Variants in BMP2K observed in about 807,000 individuals in gnomAD.
The protein encoded by BMP2K is BMP-2-inducible protein kinase.
A neutral mutation model predicts 116.0 loss-of-function variants in BMP2K; 74 were observed. The observed-to-expected ratio is 0.64, with a 90% CI of 0.53 to 0.77. The LOEUF is 0.77. Ranked by LOEUF, BMP2K falls within the 30% of genes least tolerant of loss-of-function variation. BMP2K has a pLI of 0.00. For missense variants in BMP2K, 1,365 were observed against 1,403.6 expected, an observed-to-expected ratio of 0.97 and a Z score of 0.44; for synonymous variants, 486 against 502.5, an observed-to-expected ratio of 0.97 and a Z score of 0.44.
rs141395731 is a variant in BMP2K at position 78,872,235 on chromosome 4, C to T, written c.1608+287C>T. 695 of 286,060 alleles carry T rather than the reference C, an allele frequency of 2.4e-3. 15 individuals are homozygous for T. Among genetic ancestry groups the T allele is most frequent in the East Asian group, 0.014 (215 of 15,860 alleles). 17.7% of individuals were successfully genotyped at this position (286,060 alleles called of 1,614,324 possible). A position where few individuals can be genotyped will look rare whatever the true frequency, so the allele number is the denominator to read the frequency against. ...TTCGTCACATGTCTCTTTCATTCAG[C>T]ACATATCTATTGAGTAAAAAAATGA... On this transcript the variant is annotated intron_variant, in intron 12 of 15. Coordinates refer to ENST00000502613, the MANE Select transcript of BMP2K (RefSeq NM_198892.2).
chr4:78,854,822 A>G (rs539654626), intron 7 of BMP2K, among the ~76,000 whole-genome samples: 1 of 152,214 alleles, frequency 6.6e-6, no homozygotes, highest in African/African-American at 2.4e-5. Context: ...ATAAATTTTC[A>G]TGTACCTCAT....
At chr4:78,840,513 A>G (rs1016578809) in intron 3 of BMP2K, among the ~76,000 whole-genome samples, 1 of 151,974 alleles carries the variant, frequency 6.6e-6, no homozygotes, top group Non-Finnish European at 1.5e-5. Context: ...TTACTACCTG[A>G]TTGGTCAGGT....
In BMP2K at chr4:78,912,181, G is replaced by T; in HGVS notation, c.*148G>T. The stretch of plus-strand genomic sequence containing the variant: ...TGATTTCTAAATAAACCAAATAGAA[G>T]AATGAAGTATCTCTACAGGGTAGTA... On this transcript the variant is annotated 3_prime_UTR_variant, in exon 16 of 16. Coordinates refer to ENST00000502613, the MANE Select transcript of BMP2K (RefSeq NM_198892.2). 1 of 735,416 alleles carries T rather than the reference G, an allele frequency of 1.4e-6. No homozygotes were observed. The highest frequency in any genetic ancestry group is 2.2e-6 in the Non-Finnish European group (1 of 448,396). The allele number at this position is 735,416 out of a possible 1,614,324, so 45.6% of individuals were successfully genotyped here.
At chr4:78,880,696 G>A (rs1487735925) in intron 14 of BMP2K, among the ~76,000 whole-genome samples, 1 of 152,120 alleles carries the variant, frequency 6.6e-6, no homozygotes, top group Non-Finnish European at 1.5e-5. Flanking sequence ...AAATTGGGTT[G>A]AGCACGTAAA....
chr4:78,851,906 A>G (rs1158684264), intron 7 of BMP2K, among the ~76,000 whole-genome samples: 2 of 152,120 alleles, frequency 1.3e-5, no homozygotes, highest in Non-Finnish European at 2.9e-5. Context: ...TTAAACCATT[A>G]AAAGTTCCCC....
At chr4:78,824,083 A>G (rs1404799907) in intron 1 of BMP2K, among the ~76,000 whole-genome samples, 1 of 152,220 alleles carries the variant, frequency 6.6e-6, no homozygotes, top group East Asian at 1.9e-4. Context: ...ACCTTTCCCA[A>G]ACATCATCAT....
intron 15 of BMP2K, among the ~76,000 whole-genome samples, chr4:78,890,563 C>T (rs1733379840): frequency 6.6e-6 from 1 of 152,108 alleles, no homozygotes; most frequent in African/African-American, 2.4e-5. Flanking sequence ...CATTTCCTGT[C>T]TTTGTTTTTC....
intron 15 of BMP2K, among the ~76,000 whole-genome samples, chr4:78,896,355 A>C (rs1733702484): frequency 6.6e-6 from 1 of 152,210 alleles, no homozygotes; most frequent in Non-Finnish European, 1.5e-5. Flanking sequence ...CTTATATTTA[A>C]AAATTATATG....
In BMP2K at chr4:78,861,372, A is replaced by ATTTTTTTTTTTTTTTGTTTTT; in HGVS notation, c.988-9_988-8insTTTTTTTGTTTTTTTTTTTTT. 6.4e-7 allele frequency: 1 copy of ATTTTTTTTTTTTTTTGTTTTT among 1,571,838 alleles called. No individual in the cohort carries two copies. The highest frequency in any genetic ancestry group is 8.6e-7 in the Non-Finnish European group (1 of 1,157,942). On this transcript the variant is annotated splice_polypyrimidine_tract_variant and intron_variant, in intron 8 of 15. Coordinates refer to ENST00000502613, the MANE Select transcript of BMP2K (RefSeq NM_198892.2). The stretch of plus-strand genomic sequence containing the variant: ...ATAAAAAACTAAAATGAGACGTTTT[A>ATTTTTTTTTTTTTTTGTTTTT]TTTTTTTTCTTCCAAGAATTCTTCT...
chr4:78,869,286 AT>A (rs200543814), intron 10 of BMP2K, among the ~76,000 whole-genome samples: 86 of 147,064 alleles, frequency 5.8e-4, no homozygotes, highest in African/African-American at 7.2e-4. Flanking sequence ...CCCCTTTGTG[AT>A]TTTTTTTTTT....
intron 1 of BMP2K, among the ~76,000 whole-genome samples, chr4:78,816,890 T>C (rs1729379034): frequency 6.6e-6 from 1 of 152,220 alleles, no homozygotes; most frequent in Non-Finnish European, 1.5e-5. Flanking sequence ...GACATATTGA[T>C]AGTCAGCTTA....
chr4:78,872,995 C>T (rs948013903), intron 13 of BMP2K, among the ~76,000 whole-genome samples, 197 bp downstream of exon 13: 4 of 152,142 alleles, frequency 2.6e-5, no homozygotes, highest in African/African-American at 9.7e-5. Context: ...CTGCTAACTG[C>T]TATTTGTAGG....
intron 3 of BMP2K, among the ~76,000 whole-genome samples, chr4:78,838,278 G>A (rs554160961): frequency 2.6e-5 from 4 of 152,316 alleles, no homozygotes; most frequent in African/African-American, 7.2e-5. Flanking sequence ...CGATGGGTCC[G>A]TCTCACAACA....
intron 15 of BMP2K, among the ~76,000 whole-genome samples, chr4:78,909,235 A>T (rs1052434094): frequency 6.6e-6 from 1 of 151,542 alleles, no homozygotes. Context: ...ATGGGGTTTC[A>T]CCATGTTGGC....
intron 4 of BMP2K, among the ~76,000 whole-genome samples, chr4:78,843,378 C>T (rs1249428668): frequency 6.6e-6 from 1 of 151,742 alleles, no homozygotes; most frequent in African/African-American, 2.4e-5. Context: ...TTATTTATTT[C>T]CTGCCCTCTC....
intron 1 of BMP2K, among the ~76,000 whole-genome samples, chr4:78,785,153 C>T (rs1393631184): frequency 6.6e-6 from 1 of 151,896 alleles, no homozygotes; most frequent in Non-Finnish European, 1.5e-5. Flanking sequence ...CTCTGTTGCC[C>T]AGGCTGGAGT....
Position 78,830,390 on chromosome 4 carries a change from A to G in BMP2K, c.298-3192A>G, listed in dbSNP as rs558682239. Among the ~76,000 whole-genome samples, 31 of 152,332 alleles carry G rather than the reference A, an allele frequency of 2.0e-4. No homozygotes were observed. The South Asian group carries it at 6.2e-3, about 31-fold the overall frequency. On this transcript the variant is annotated intron_variant, in intron 2 of 15. Transcript: ENST00000502613. ...AGAGCACAAACAGAGTAGGTTTAGC[A>G]TAGTTCTTAAGGGCTTAGCAGTTTT...
At chr4:78,858,370 A>G (rs1010360214) in intron 7 of BMP2K, among the ~76,000 whole-genome samples, 2 of 151,956 alleles carry the variant, frequency 1.3e-5, no homozygotes, top group African/African-American at 4.8e-5. Context: ...TAGAATTAAA[A>G]TGTTTTTAGT....
At chr4:78,782,667 G>T (rs1302714560) in intron 1 of BMP2K, among the ~76,000 whole-genome samples, 2 of 152,140 alleles carry the variant, frequency 1.3e-5, no homozygotes, top group African/African-American at 4.8e-5. Flanking sequence ...TAACCCAGAT[G>T]CCCCCTTGTA....
Sources: gnomAD v4.1 joint callset for allele counts (sites outside exome capture counted in the v4.1 genomes callset) on GRCh38, gnomAD v4.1.1 for gene constraint, MANE v1.5 for transcripts, NCBI Gene and HGNC (gene_info 2026-07-23, HGNC 2026-07-21) for gene names.